The following RPL6 variants were observed in gnomAD, a reference collection of about 807,000 sequenced individuals.
RPL6 encodes the protein ribosomal protein L6, also known as large ribosomal subunit protein eL6.
A neutral mutation model predicts 32.1 loss-of-function variants in RPL6; 1 was observed. That is an observed-to-expected ratio of 0.03 (90% CI 0.01 to 0.15). The LOEUF is 0.15. Among genes scored for constraint, RPL6 ranks in the 10% least tolerant of loss-of-function variants. The pLI is 1.00. For synonymous variants in RPL6, 126 were observed against 131.6 expected, an observed-to-expected ratio of 0.96 and a Z score of 0.29; for missense variants, 275 against 354.6, an observed-to-expected ratio of 0.78 and a Z score of 1.80.
chr12:112,408,317 T>G lies in RPL6; in HGVS notation c.259A>C (p.Lys87Gln). Reference protein sequence around the residue: ...KSKVEKKKKEKVLATVTKPVG... With the variant: ...KSKVEKKKKEQVLATVTKPVG... The stretch of plus-strand genomic sequence containing the variant: ...GGTTTTGTAACAGTTGCGAGAACCT[T>G]CTCCTTCTTTTTCTTTTCAACCTAC... Residue 87 changes from lysine (K) to glutamine (Q), a missense_variant, in exon 3 of 7, where the codon AAG becomes CAG. Transcript: ENST00000202773. 6.2e-7 allele frequency: 1 copy of G among 1,614,136 alleles called. No individual in the cohort carries two copies. The highest frequency in any genetic ancestry group is 8.5e-7 in the Non-Finnish European group (1 of 1,180,032).
intron 1 of RPL6, among the ~76,000 whole-genome samples, chr12:112,416,222 C>A (rs978910438): frequency 2.7e-5 from 4 of 148,336 alleles, no homozygotes; most frequent in Non-Finnish European, 4.4e-5. Context: ...TCACTGCAAG[C>A]TCCACCTCCT....
upstream of RPL6, chr12:112,409,610 A>G (rs908322192): frequency 2.5e-6 from 1 of 398,012 alleles, no homozygotes; most frequent in Admixed American, 4.4e-5. Flanking sequence ...AAAGAGAATT[A>G]AGGTCCCGGC....
chr12:112,410,120 T>G (rs1013281402), upstream of RPL6, among the ~76,000 whole-genome samples: 2 of 150,724 alleles, frequency 1.3e-5, no homozygotes, highest in Non-Finnish European at 2.9e-5. Context: ...AGAGCCAGAC[T>G]CAGTCTCAAA....
intron 1 of RPL6, among the ~76,000 whole-genome samples, chr12:112,416,133 ATTTTTTT>A (rs1168421826): frequency 0.012 from 596 of 51,058 alleles, 3 homozygotes; most frequent in African/African-American, 0.046. Context: ...TAAATTTTGT[ATTTTTTT>A]TTTTTTTTTT....
intron 1 of RPL6, among the ~76,000 whole-genome samples, chr12:112,417,942 C>A (rs962878770): frequency 6.6e-6 from 1 of 151,988 alleles, no homozygotes; most frequent in Admixed American, 6.6e-5. Context: ...GGATTTCAGG[C>A]GTGTGCCACC....
chr12:112,416,719 C>T (rs1397170922), intron 1 of RPL6, among the ~76,000 whole-genome samples: 1 of 152,092 alleles, frequency 6.6e-6, no homozygotes, highest in Non-Finnish European at 1.5e-5. Context: ...CCGAGTGACC[C>T]GCCTAGTTTT....
At chr12:112,405,473 G>T in intron 6 of RPL6, 97 bp from the exon 7 acceptor site, 1 of 1,198,552 alleles carries the variant, frequency 8.3e-7, no homozygotes, top group Non-Finnish European at 1.2e-6. Context: ...TAATCCCCAA[G>T]AATATTTAGA....
Position 112,405,381 on chromosome 12 carries a change from A to G in RPL6, c.715-5T>C. On this transcript the variant is annotated splice_polypyrimidine_tract_variant and splice_region_variant and intron_variant, in intron 6 of 6. Transcript: ENST00000202773. ...CTGCTCCGTAATCTCATATTTCTAAATAAAGAGAAAATCAAACATTTTAAA... is the reference window on the plus strand; with the variant it reads ...CTGCTCCGTAATCTCATATTTCTAAGTAAAGAGAAAATCAAACATTTTAAA... 6.2e-7 allele frequency: 1 copy of G among 1,607,372 alleles called. No homozygotes were observed. The highest frequency in any genetic ancestry group is 8.5e-7 in the Non-Finnish European group (1 of 1,178,658).
intron 5 of RPL6, 81 bp downstream of exon 5, chr12:112,406,213 G>GCA: frequency 7.6e-7 from 1 of 1,308,116 alleles, no homozygotes; most frequent in Non-Finnish European, 1.1e-6. Context: ...TACCATGTAG[G>GCA]CAGTAGCAAA....
upstream of RPL6, among the ~76,000 whole-genome samples, chr12:112,415,230 T>C (rs2037391765): frequency 6.9e-6 from 1 of 144,908 alleles, no homozygotes; most frequent in African/African-American, 2.7e-5. Flanking sequence ...TCATAGAGAA[T>C]GAAGCGAGTA....
At chr12:112,415,225 G>C (rs570969638), upstream of RPL6, among the ~76,000 whole-genome samples, 1 of 148,570 alleles carries the variant, frequency 6.7e-6, no homozygotes. Context: ...CTGGGTCATA[G>C]AGAATGAAGC....
intron 1 of RPL6, 155 bp from the exon 2 acceptor site, chr12:112,408,811 A>G: frequency 1.5e-6 from 1 of 649,008 alleles, no homozygotes; most frequent in Non-Finnish European, 2.6e-6. Flanking sequence ...TACCCATTCT[A>G]CTCCAACCTT....
intron 3 of RPL6, 80 bp from the exon 4 acceptor site, chr12:112,406,970 G>A (rs1011330754): frequency 1.1e-5 from 16 of 1,419,548 alleles, no homozygotes; most frequent in Non-Finnish European, 1.6e-5. Flanking sequence ...CCAAACTTTT[G>A]CTACAGCCTT....
At position 112,409,021 on chromosome 12, in the gene RPL6, C is replaced by T. The variant is rs2037273170; in HGVS notation, c.1-365G>A. ...GTCCACAGGTTAGAAGCACCAAGAC[C>T]AGAACTTGAAATCCCTTACTTTCAG... On this transcript the variant is annotated intron_variant, in intron 1 of 6. Transcript: ENST00000202773. The T allele has an allele frequency of 1.9e-5, 5 of 258,634 alleles. No homozygotes were observed. The Admixed American group carries it at 2.0e-4, about 10-fold the overall frequency. The allele number at this position is 258,634 out of a possible 1,614,324, so 16.0% of individuals were successfully genotyped here.
rs371531172 is a variant in RPL6, at chr12:112,408,432, G to C, written c.225C>G (p.Ala75=). Residue 75 remains alanine (A), a synonymous_variant, in exon 2 of 7, where the codon GCC becomes GCG. Transcript: ENST00000202773. ...RKAMYKRKYS[A]AKSKVEKKKK... ...CCTCTTCCCTTACCTTGGATTTAGC[G>C]GCTGAGTACTTCCTCTTGTACATGG... 5.8e-5 allele frequency: 94 copies of C among 1,614,004 alleles called. No individual in the cohort carries two copies. The highest frequency in any genetic ancestry group is 7.9e-5 in the Non-Finnish European group (93 of 1,180,018).
At chr12:112,412,751 C>T (rs1438138286), upstream of RPL6, among the ~76,000 whole-genome samples, 1 of 151,968 alleles carries the variant, frequency 6.6e-6, no homozygotes, top group Admixed American at 6.6e-5. Context: ...TGGTGAAACC[C>T]CATCTCTGCT....
intron 1 of RPL6, among the ~76,000 whole-genome samples, chr12:112,416,141 T>A (rs1311694356): frequency 1.5e-5 from 2 of 132,138 alleles, no homozygotes; most frequent in Non-Finnish European, 3.2e-5. Flanking sequence ...GTATTTTTTT[T>A]TTTTTTTTTT....
chr12:112,416,203 G>A (rs1305356496), intron 1 of RPL6, among the ~76,000 whole-genome samples: 1 of 136,218 alleles, frequency 7.3e-6, no homozygotes, highest in Non-Finnish European at 1.5e-5. Context: ...GCAGTGGTGT[G>A]ATCTTGGCTC....
chr12:112,413,806 G>A (rs559996964), upstream of RPL6, among the ~76,000 whole-genome samples: 1 of 149,728 alleles, frequency 6.7e-6, no homozygotes, highest in East Asian at 2.0e-4. Context: ...CAGGATGATT[G>A]TTTGAGCCCA....
Sources: allele counts gnomAD v4.1 joint callset (sites outside exome capture counted in the v4.1 genomes callset), GRCh38; gene constraint gnomAD v4.1.1; transcripts MANE v1.5; gene names NCBI Gene and HGNC (gene_info 2026-07-23, HGNC 2026-07-21).